The following PKHD1 variants were observed in gnomAD, a reference collection of about 807,000 sequenced individuals.
The protein encoded by PKHD1 is fibrocystin.
PKHD1 carries 291 observed loss-of-function variants against 412.0 expected under a neutral mutation model. The observed-to-expected ratio is 0.71, with a 90% CI of 0.64 to 0.78. The LOEUF (loss-of-function observed/expected upper bound fraction) is 0.78, where lower values mean the gene tolerates loss of function less well. PKHD1 is among the 30% of genes least tolerant of loss of function. The probability of loss-of-function intolerance (pLI) is 0.00; values close to 1 mark genes in which losing one functional copy is unlikely to be tolerated. For synonymous variants in PKHD1, 1,777 were observed against 1,821.5 expected (o/e 0.98, Z 0.62); for missense variants, 4,825 against 4,950.7 (o/e 0.97, Z 0.76).
chr6:51,734,613 A>G lies in PKHD1; in HGVS notation c.10156+9772T>C, dbSNP rs548700441. ...TGGAGCTGAGCAACGGGTGAAGGAGAGTCACAAAGGTCCTCCATATTCCTG... is the reference window on the plus strand; with the variant it reads ...TGGAGCTGAGCAACGGGTGAAGGAGGGTCACAAAGGTCCTCCATATTCCTG... On this transcript the variant is annotated intron_variant, in intron 60 of 66. Transcript: ENST00000371117. Among the ~76,000 whole-genome samples, 3 of 152,224 alleles carry G rather than the reference A, an allele frequency of 2.0e-5. No homozygotes were observed. In the East Asian group the frequency reaches 5.8e-4, roughly 29 times the overall value.
intron 43 of PKHD1, among the ~76,000 whole-genome samples, chr6:51,895,784 C>G (rs886383232): frequency 2.0e-5 from 3 of 152,078 alleles, no homozygotes; most frequent in East Asian, 1.9e-4. Flanking sequence ...GAGTGCCAGA[C>G]AGTGGGCGCA....
intron 43 of PKHD1, among the ~76,000 whole-genome samples, chr6:51,890,960 CAGTGCAGACAGT>C (rs981746826): frequency 6.6e-6 from 1 of 152,192 alleles, no homozygotes; most frequent in African/African-American, 2.4e-5. Context: ...CATCTACTAT[CAGTGCAGACAGT>C]AGGGCTATGG....
intron 29 of PKHD1, among the ~76,000 whole-genome samples, chr6:52,030,317 ATGG>A (rs1802849614): frequency 6.6e-6 from 1 of 152,186 alleles, no homozygotes; most frequent in Admixed American, 6.5e-5. Context: ...CATCAATAAC[ATGG>A]TTAATAAAGC....
chr6:51,697,894 A>G (rs1778987114), intron 60 of PKHD1, among the ~76,000 whole-genome samples: 1 of 152,216 alleles, frequency 6.6e-6, no homozygotes, highest in African/African-American at 2.4e-5. Flanking sequence ...AATCCTCATT[A>G]AGAAGTTGTA....
chr6:51,806,595 GA>G (rs1422710577), intron 52 of PKHD1, among the ~76,000 whole-genome samples: 2 of 152,160 alleles, frequency 1.3e-5, no homozygotes, highest in Admixed American at 1.3e-4. Context: ...ACATATTTAT[GA>G]GTTCAAGAAC....
At position 51,836,479 on chromosome 6, in the gene PKHD1, A is replaced by G. The variant is rs369344295; in HGVS notation, c.8108-10T>C. On this transcript the variant is annotated splice_polypyrimidine_tract_variant and intron_variant, in intron 50 of 66. Coordinates refer to ENST00000371117, the MANE Select transcript of PKHD1 (RefSeq NM_138694.4). Reference sequence around the variant, plus strand: ...TGGCCTTCACCTGAAACTAAATACCAAAAGCCACAACTTGCATGTGATACA... The same window carrying G: ...TGGCCTTCACCTGAAACTAAATACCGAAAGCCACAACTTGCATGTGATACA... 1.0e-4 allele frequency: 160 copies of G among 1,600,194 alleles called. No individual in the cohort carries two copies. Among genetic ancestry groups the G allele is most frequent in the Non-Finnish European group, 1.4e-4 (158 of 1,167,510 alleles).
intron 35 of PKHD1, among the ~76,000 whole-genome samples, chr6:51,968,807 T>C (rs546317726): frequency 6.6e-6 from 1 of 152,276 alleles, no homozygotes; most frequent in East Asian, 1.9e-4. Context: ...AGGAGAAACG[T>C]TGCTTTCACA....
In PKHD1 at chr6:51,659,249, G is replaced by A. The variant is rs201828022; in HGVS notation, c.10877C>T (p.Thr3626Ile). The change falls in exon 61 of 67, where the codon ACT becomes ATT. Residue 3626 changes from threonine to isoleucine, a missense_variant. By Grantham distance (89) the Thr-to-Ile change is moderately conservative. Transcript: ENST00000371117. Reference sequence around the variant, plus strand: ...AACTCTTCTATAATGACTAGTGCAAGTCACAGTAGGGCAATTGCGCTTTCT... The same window carrying A: ...AACTCTTCTATAATGACTAGTGCAAATCACAGTAGGGCAATTGCGCTTTCT... ...AKRKRNCPTV[T>I]CTSHYRRVGQ... 6.8e-6 allele frequency: 11 copies of A among 1,613,748 alleles called. No homozygotes were observed. Among genetic ancestry groups the A allele is most frequent in the Non-Finnish European group, 7.6e-6 (9 of 1,179,912 alleles).
intron 60 of PKHD1, among the ~76,000 whole-genome samples, chr6:51,717,518 T>C (rs1781423311): frequency 1.3e-5 from 2 of 152,178 alleles, no homozygotes; most frequent in African/African-American, 4.8e-5. Flanking sequence ...GATAAACAAA[T>C]ATCATTGTGT....
chr6:51,939,379 T>C (rs1465673937), intron 36 of PKHD1, among the ~76,000 whole-genome samples: 1 of 151,456 alleles, frequency 6.6e-6, no homozygotes, highest in East Asian at 1.9e-4. Context: ...CTCTCTCTTT[T>C]CTCTTGGCTC....
At chr6:51,862,270 G>A (rs1036699194) in intron 48 of PKHD1, among the ~76,000 whole-genome samples, 1 of 152,194 alleles carries the variant, frequency 6.6e-6, no homozygotes, top group African/African-American at 2.4e-5. Context: ...TTATTCTGGA[G>A]AGCTAGTTGT....
intron 47 of PKHD1, among the ~76,000 whole-genome samples, chr6:51,869,910 T>C (rs1285870682): frequency 1.3e-5 from 2 of 152,184 alleles, no homozygotes; most frequent in Non-Finnish European, 2.9e-5. Flanking sequence ...CTGTTTACGA[T>C]GATCAAATCA....
intron 43 of PKHD1, among the ~76,000 whole-genome samples, chr6:51,897,031 G>A (rs1292734433): frequency 3.3e-5 from 5 of 150,808 alleles, no homozygotes; most frequent in East Asian, 1.9e-4. Flanking sequence ...CCAAATCTAC[G>A]TCTGATTGGT....
chr6:52,022,552 A>T (rs1220323206), intron 33 of PKHD1, among the ~76,000 whole-genome samples: 3 of 152,158 alleles, frequency 2.0e-5, no homozygotes, highest in Non-Finnish European at 4.4e-5. Context: ...TTAAGAACAC[A>T]GGTGATAAGT....
intron 58 of PKHD1, among the ~76,000 whole-genome samples, chr6:51,747,370 T>G (rs1785333790): frequency 6.6e-6 from 1 of 152,092 alleles, no homozygotes; most frequent in Non-Finnish European, 1.5e-5. Flanking sequence ...ATAGGAAAAA[T>G]AACACCTAAC....
chr6:51,825,550 A>G (rs1224211065), intron 52 of PKHD1, among the ~76,000 whole-genome samples: 1 of 152,150 alleles, frequency 6.6e-6, no homozygotes. Context: ...GCCCAGCCAT[A>G]TGAATGACCC....
intron 60 of PKHD1, among the ~76,000 whole-genome samples, chr6:51,695,584 A>G (rs1778703036): frequency 6.6e-6 from 1 of 152,208 alleles, no homozygotes; most frequent in African/African-American, 2.4e-5. Context: ...TCATTTCTAT[A>G]GTTATTCAGC....
intron 60 of PKHD1, among the ~76,000 whole-genome samples, chr6:51,679,032 T>C (rs1776260639): frequency 6.6e-6 from 1 of 152,084 alleles, no homozygotes; most frequent in Non-Finnish European, 1.5e-5. Flanking sequence ...AAAACTAAAA[T>C]GAATGTGACT....
At chr6:51,671,275 CT>C (rs1180244258) in intron 60 of PKHD1, among the ~76,000 whole-genome samples, 1 of 152,090 alleles carries the variant, frequency 6.6e-6, no homozygotes, top group Admixed American at 6.5e-5. Context: ...CTAAACTTCC[CT>C]TCTCACTTCA....
Sources: gnomAD v4.1 joint callset for allele counts (sites outside exome capture counted in the v4.1 genomes callset) on GRCh38, gnomAD v4.1.1 for gene constraint, MANE v1.5 for transcripts, NCBI Gene and HGNC (gene_info 2026-07-23, HGNC 2026-07-21) for gene names.